Variants in PCDHA4 observed in about 807,000 individuals in gnomAD.
PCDHA4 encodes protocadherin alpha 4, also known as protocadherin alpha-4.
PCDHA4 carries 49 observed loss-of-function variants against 61.4 expected under a neutral mutation model. That is an observed-to-expected ratio of 0.80 (90% CI 0.63 to 1.01). The LOEUF (loss-of-function observed/expected upper bound fraction) is 1.01. Among genes scored for constraint, PCDHA4 ranks in the 50% least tolerant of loss-of-function variants. The probability of loss-of-function intolerance (pLI) is 0.00; values close to 1 mark genes in which losing one functional copy is unlikely to be tolerated. For missense variants in PCDHA4, 1,254 were observed against 1,235.8 expected, an observed-to-expected ratio of 1.01 and a Z score of -0.22; for synonymous variants, 590 against 550.3, an observed-to-expected ratio of 1.07 and a Z score of -1.01.
In PCDHA4 at chr5:141,010,089, G is replaced by A. The variant is rs1588251277; in HGVS notation, c.*152G>A. 3.7e-6 allele frequency: 6 copies of A among 1,612,294 alleles called. No individual in the cohort carries two copies. The highest frequency in any genetic ancestry group is 5.1e-6 in the Non-Finnish European group (6 of 1,179,138). ...AAAGTTCCCTGTGTCTGTCTAGAAC[G>A]CATTTAACAGGTTTTGTCGTAAAAG... On this transcript the variant is annotated 3_prime_UTR_variant, in exon 4 of 4. Transcript: ENST00000530339.
At position 140,876,690 on chromosome 5, in the gene PCDHA4, G is replaced by A. The variant is rs73793508; in HGVS notation, c.2385+67118G>A. The A allele has an allele frequency of 1.7e-3, 2,720 of 1,614,174 alleles. 43 individuals are homozygous for A. The African/African-American group carries it at 0.033, about 20-fold the overall frequency. ...TGTCCACCTACAAGAATTACTACTC[G>A]TTGGTGCTGGACAGCGCCCTGGACC... On this transcript the variant is annotated intron_variant, in intron 1 of 3. Transcript: ENST00000530339.
rs137969621 is a variant in PCDHA4, at chr5:140,884,072, G to T, written c.2385+74500G>T. The T allele has an allele frequency of 9.1e-5, 147 of 1,613,476 alleles. 1 individual carries two copies. In the African/African-American group the frequency reaches 1.7e-3, roughly 19 times the overall value. On this transcript the variant is annotated intron_variant, in intron 1 of 3. Coordinates refer to ENST00000530339, the MANE Select transcript of PCDHA4 (RefSeq NM_018907.4). ...GGTGCGCGCGGTGGACGCCGATTCGGGCTACAATGCGTGGCTTTCGTATGA... is the reference window on the plus strand; with the variant it reads ...GGTGCGCGCGGTGGACGCCGATTCGTGCTACAATGCGTGGCTTTCGTATGA...
intron 1 of PCDHA4, among the ~76,000 whole-genome samples, chr5:140,973,232 G>A (rs1307717074): frequency 6.6e-6 from 1 of 152,196 alleles, no homozygotes; most frequent in Non-Finnish European, 1.5e-5. Context: ...ATAGTGACCT[G>A]AAAGAGTTAA....
At chr5:140,945,131 A>C (rs1484443084) in intron 1 of PCDHA4, among the ~76,000 whole-genome samples, 1 of 152,202 alleles carries the variant, frequency 6.6e-6, no homozygotes, top group Non-Finnish European at 1.5e-5. Context: ...CAACTTACAA[A>C]AATCAATAGC....
rs1430137096 is a variant in PCDHA4, at chr5:140,871,495, G to A, written c.2385+61923G>A. On this transcript the variant is annotated intron_variant, in intron 1 of 3. Transcript: ENST00000530339. ...GCCAGGGTCAAATCACCCCGGACAG[G>A]TGAGTTTTCTACAGATTCCACCTAT... 5 of 1,588,092 alleles carry A rather than the reference G, an allele frequency of 3.1e-6. No homozygotes were observed. The African/African-American group carries it at 6.7e-5, about 21-fold the overall frequency.
chr5:140,858,218 G>A, intron 1 of PCDHA4: 1 of 1,596,494 alleles, frequency 6.3e-7, no homozygotes. Context: ...GTGCTCGGCG[G>A]CGCCCACCGA....
intron 1 of PCDHA4, among the ~76,000 whole-genome samples, chr5:140,932,235 G>A (rs372410374): frequency 4.0e-5 from 6 of 151,638 alleles, no homozygotes; most frequent in African/African-American, 1.5e-4. Context: ...TTTTAGAATG[G>A]TATCTAAGAG....
At chr5:140,955,684 G>A (rs1231376434) in intron 1 of PCDHA4, among the ~76,000 whole-genome samples, 2 of 152,156 alleles carry the variant, frequency 1.3e-5, no homozygotes, top group African/African-American at 4.8e-5. Flanking sequence ...TTCGAAATCT[G>A]TGATGAATGT....
chr5:140,893,583 T>G (rs535910), intron 1 of PCDHA4, among the ~76,000 whole-genome samples: 7,078 of 152,294 alleles, frequency 0.046, 293 homozygotes, highest in African/African-American at 0.11. Context: ...TTTGCTTGTT[T>G]GGGAAATACT....
At chr5:140,956,565 A>G (rs190736286) in intron 1 of PCDHA4, among the ~76,000 whole-genome samples, 2 of 152,284 alleles carry the variant, frequency 1.3e-5, no homozygotes, top group Non-Finnish European at 2.9e-5. Flanking sequence ...TATCTTATTG[A>G]GGATTTTTGC....
In PCDHA4 at chr5:140,870,881, T is replaced by C. The variant is rs782030647; in HGVS notation, c.2385+61309T>C. 3.7e-6 allele frequency: 6 copies of C among 1,613,870 alleles called. No individual in the cohort carries two copies. The South Asian group carries it at 5.5e-5, about 15-fold the overall frequency. On this transcript the variant is annotated intron_variant, in intron 1 of 3. Transcript: ENST00000530339. ...GGTGCGGGCCACGTGGTGGCGAAGG[T>C]GCGCGCAGTGGATGCGGACTCAGGC...
intron 3 of PCDHA4, among the ~76,000 whole-genome samples, chr5:141,000,961 C>A (rs1207814885): frequency 6.6e-6 from 1 of 151,948 alleles, no homozygotes; most frequent in Non-Finnish European, 1.5e-5. Flanking sequence ...GTAATTTAAG[C>A]CTTCATATTC....
chr5:140,843,388 G>C lies in PCDHA4; in HGVS notation c.2385+33816G>C, dbSNP rs1411961192. On this transcript the variant is annotated intron_variant, in intron 1 of 3. Coordinates refer to ENST00000530339, the MANE Select transcript of PCDHA4 (RefSeq NM_018907.4). ...GGCAGTCGGCTGGCGTTTTGGGTCC[G>C]GAAGCGGCGCTGGTGGATGTCAACG... 45 of 1,595,950 alleles carry C rather than the reference G, an allele frequency of 2.8e-5. 4 individuals are homozygous for C. The highest frequency in any genetic ancestry group is 3.9e-5 in the Non-Finnish European group (45 of 1,165,580).
At chr5:140,848,601 CCG>C (rs2040496179) in intron 1 of PCDHA4, 1 of 1,593,502 alleles carries the variant, frequency 6.3e-7, no homozygotes, top group Non-Finnish European at 8.6e-7. Flanking sequence ...CTACTCCGTC[CCG>C]GAGGAAGCCG....
At chr5:140,829,294 C>T (rs2150165433) in intron 1 of PCDHA4, 1 of 1,614,256 alleles carries the variant, frequency 6.2e-7, no homozygotes, top group South Asian at 1.1e-5. Flanking sequence ...TGTCCACCTT[C>T]AAGAATTACT....
At chr5:140,869,350 A>G (rs1197202286) in intron 1 of PCDHA4, 3 of 1,614,064 alleles carry the variant, frequency 1.9e-6, no homozygotes, top group Non-Finnish European at 1.7e-6. Flanking sequence ...GCAGAATGGC[A>G]TTTTGTTTGT....
chr5:141,001,489 T>C (rs2098020927), intron 3 of PCDHA4, among the ~76,000 whole-genome samples: 3 of 152,236 alleles, frequency 2.0e-5, no homozygotes. Context: ...GTGCTGGAAA[T>C]GCTAGCCCAG....
At chr5:140,864,478 G>A (rs377075793) in intron 1 of PCDHA4, 3 of 152,180 alleles carry the variant, frequency 2.0e-5, no homozygotes, top group Admixed American at 6.5e-5. Context: ...GATGTTGATT[G>A]CAGTGGGTGG....
At position 140,829,457 on chromosome 5, in the gene PCDHA4, G is replaced by A. The variant is rs1362203038; in HGVS notation, c.2385+19885G>A. 5 of 1,613,758 alleles carry A rather than the reference G, an allele frequency of 3.1e-6. No homozygotes were observed. In the Admixed American group the frequency reaches 8.3e-5, roughly 27 times the overall value. On this transcript the variant is annotated intron_variant, in intron 1 of 3. Transcript: ENST00000530339. The stretch of plus-strand genomic sequence containing the variant: ...CATGAATGACAATGCTCCGGCGTTC[G>A]CGCAGCCCGAGTACACAGTGTTCGT...
Sources: allele counts gnomAD v4.1 joint callset (sites outside exome capture counted in the v4.1 genomes callset), GRCh38; gene constraint gnomAD v4.1.1; transcripts MANE v1.5; gene names NCBI Gene and HGNC (gene_info 2026-07-23, HGNC 2026-07-21).